EPHA5: variants seen among roughly 807,000 people sequenced by gnomAD.
EPHA5 encodes the protein ephrin type-A receptor 5.
A neutral mutation model predicts 105.0 loss-of-function variants in EPHA5; 60 were observed. The observed-to-expected ratio is 0.57, with a 90% confidence interval of 0.46 to 0.71. The LOEUF (loss-of-function observed/expected upper bound fraction) is 0.71. Ranked by LOEUF, EPHA5 falls within the 30% of genes least tolerant of loss-of-function variation. EPHA5 has a pLI of 0.00. For synonymous variants in EPHA5, 513 were observed against 449.1 expected (o/e 1.14, Z -1.80); for missense variants, 1,218 against 1,274.7 (o/e 0.96, Z 0.68).
Position 65,351,383 on chromosome 4 carries a change from T to A in EPHA5, c.2445+6A>T. 1 of 1,613,352 alleles carries A rather than the reference T, an allele frequency of 6.2e-7. No homozygotes were observed. The highest frequency in any genetic ancestry group is 1.1e-5 in the South Asian group (1 of 91,060). ...GTGTTTAGAAATGCACTCTGTTAGA[T>A]CTTACCCTTGTGGTGTAGGCTGCCT... On this transcript the variant is annotated splice_donor_region_variant and intron_variant, in intron 13 of 16. Transcript: ENST00000613740.
chr4:65,555,163 T>A (rs1738302456), intron 3 of EPHA5, among the ~76,000 whole-genome samples: 1 of 151,910 alleles, frequency 6.6e-6, no homozygotes, highest in African/African-American at 2.4e-5. Flanking sequence ...ACATGTTTTG[T>A]CCCCCACCAT....
At chr4:65,388,432 C>G (rs569781467) in intron 8 of EPHA5, among the ~76,000 whole-genome samples, 1 of 150,834 alleles carries the variant, frequency 6.6e-6, no homozygotes, top group Admixed American at 6.6e-5. Context: ...ACAGTCCCAC[C>G]AACAGTGTAA....
intron 3 of EPHA5, among the ~76,000 whole-genome samples, chr4:65,595,939 A>G (rs1374844420): frequency 1.3e-5 from 2 of 152,292 alleles, no homozygotes; most frequent in Non-Finnish European, 2.9e-5. Context: ...AGATTCAGCA[A>G]CTTGCATGGG....
At chr4:65,595,103 TCA>T (rs1325449327) in intron 3 of EPHA5, among the ~76,000 whole-genome samples, 2 of 151,750 alleles carry the variant, frequency 1.3e-5, no homozygotes, top group African/African-American at 4.8e-5. Context: ...CCCATACTTT[TCA>T]CAGTTTTTTT....
At chr4:65,513,867 T>C (rs1305908657) in intron 3 of EPHA5, among the ~76,000 whole-genome samples, 1 of 152,192 alleles carries the variant, frequency 6.6e-6, no homozygotes, top group African/African-American at 2.4e-5. Context: ...ACCTCCCATG[T>C]TATCCCTTAC....
intron 3 of EPHA5, among the ~76,000 whole-genome samples, chr4:65,519,767 T>C (rs1332103970): frequency 2.0e-5 from 3 of 151,770 alleles, no homozygotes; most frequent in Admixed American, 2.0e-4. Flanking sequence ...TGAGTGAATG[T>C]CCATTCACCA....
At chr4:65,659,700 CAT>C (rs1421991987) in intron 1 of EPHA5, among the ~76,000 whole-genome samples, 6 of 152,090 alleles carry the variant, frequency 3.9e-5, no homozygotes, top group Non-Finnish European at 5.9e-5. Context: ...ACTTTATACA[CAT>C]GTGTGCATTT....
intron 3 of EPHA5, among the ~76,000 whole-genome samples, chr4:65,569,163 AT>A (rs1351239827): frequency 1.3e-5 from 2 of 151,562 alleles, no homozygotes; most frequent in Admixed American, 6.6e-5. Context: ...ACACAAAAAA[AT>A]TTAGGTTAGG....
At chr4:65,656,145 A>G (rs1749038867) in intron 1 of EPHA5, among the ~76,000 whole-genome samples, 1 of 151,364 alleles carries the variant, frequency 6.6e-6, no homozygotes, top group African/African-American at 2.4e-5. Flanking sequence ...AAAAAAAAAA[A>G]AAAAAAAAAG....
At chr4:65,586,536 T>A (rs954206756) in intron 3 of EPHA5, among the ~76,000 whole-genome samples, 36 of 152,096 alleles carry the variant, frequency 2.4e-4, no homozygotes, top group Admixed American at 9.8e-4. Flanking sequence ...TCTATCCTTG[T>A]CTTTTTACTA....
intron 3 of EPHA5, among the ~76,000 whole-genome samples, chr4:65,574,699 CATATATATACAT>C (rs1388773551): frequency 0.016 from 1,275 of 77,720 alleles, 25 homozygotes; most frequent in African/African-American, 0.054. Flanking sequence ...CATATATATA[CATATATATACAT>C]ATATATATAC....
chr4:65,363,047 T>C (rs1412704147), intron 11 of EPHA5, among the ~76,000 whole-genome samples: 1 of 151,586 alleles, frequency 6.6e-6, no homozygotes, highest in Non-Finnish European at 1.5e-5. Flanking sequence ...TTGGTAGACT[T>C]TGAATAAGGT....
At chr4:65,380,786 A>G (rs144001478) in intron 8 of EPHA5, among the ~76,000 whole-genome samples, 43 of 151,956 alleles carry the variant, frequency 2.8e-4, no homozygotes, top group African/African-American at 9.6e-4. Context: ...TAGTGTTCTT[A>G]TGTGTGGCAA....
chr4:65,385,426 C>T (rs1719985506), intron 8 of EPHA5, among the ~76,000 whole-genome samples: 1 of 151,586 alleles, frequency 6.6e-6, no homozygotes, highest in African/African-American at 2.4e-5. Context: ...CTGAAATTAC[C>T]AAAACTCAAG....
Position 65,348,815 on chromosome 4 carries a change from A to ATTTTTTTTTT in EPHA5, c.2446-622_2446-613dup, listed in dbSNP as rs10633855. On this transcript the variant is annotated intron_variant, in intron 13 of 16. Transcript: ENST00000613740. ...TGTGTATATATATATATATATATAT[A>ATTTTTTTTTT]TTTTTTTTTTTTTTTTTTGAGACAG... is the stretch of plus-strand genomic sequence containing the variant. Among the ~76,000 whole-genome samples the ATTTTTTTTTT allele has an allele frequency of 4.7e-5, 3 of 64,118 alleles. 1 individual carries two copies. Among genetic ancestry groups the ATTTTTTTTTT allele is most frequent in the Non-Finnish European group, 8.1e-5 (3 of 37,264 alleles). 42.1% of individuals were successfully genotyped at this position (64,118 alleles called of 152,430 possible).
At chr4:65,629,187 T>C (rs1746410706) in intron 2 of EPHA5, among the ~76,000 whole-genome samples, 1 of 137,306 alleles carries the variant, frequency 7.3e-6, no homozygotes. Context: ...TTTGTTTCTA[T>C]ACTTTCATAT....
At position 65,346,787 on chromosome 4, in the gene EPHA5, A is replaced by T. The variant is rs186439050; in HGVS notation, c.2595+1267T>A. 4.9e-4 allele frequency among the ~76,000 whole-genome samples: 74 copies of T among 152,302 alleles called. No individual in the cohort carries two copies. In the East Asian group the frequency reaches 0.013, roughly 27 times the overall value. On this transcript the variant is annotated intron_variant, in intron 14 of 16. Transcript: ENST00000613740. The stretch of plus-strand genomic sequence containing the variant: ...AGAACTTAAACAAATTTACAAGAAA[A>T]AAATCAAACAACCCCATCAAAAAAT...
chr4:65,323,970 T>C lies in EPHA5; in HGVS notation c.*144A>G. On this transcript the variant is annotated 3_prime_UTR_variant, in exon 17 of 17. Coordinates refer to ENST00000613740, the MANE Select transcript of EPHA5 (RefSeq NM_001281766.3). ...CTGGATACTTCAGTAAAACCATGAT[T>C]ACAAATTCTGTGGCTGAGGCAAATG... 1 of 572,236 alleles carries C rather than the reference T, an allele frequency of 1.7e-6. No individual in the cohort carries two copies. 35.4% of individuals were successfully genotyped at this position (572,236 alleles called of 1,614,324 possible).
At chr4:65,337,543 C>T (rs771028958) in intron 14 of EPHA5, among the ~76,000 whole-genome samples, 1 of 152,054 alleles carries the variant, frequency 6.6e-6, no homozygotes, top group Non-Finnish European at 1.5e-5. Context: ...GAAGATTAAA[C>T]GGTACTTTTA....
Sources: allele counts gnomAD v4.1 joint callset (sites outside exome capture counted in the v4.1 genomes callset), GRCh38; gene constraint gnomAD v4.1.1; transcripts MANE v1.5; gene names NCBI Gene and HGNC (gene_info 2026-07-23, HGNC 2026-07-21).